Variants in DLG1 observed in about 807,000 individuals in gnomAD.
The protein encoded by DLG1 is disks large homolog 1.
DLG1 carries 42 observed loss-of-function variants against 123.4 expected under a neutral mutation model. The ratio of observed to expected loss-of-function variants is 0.34; its 90% CI spans 0.27 to 0.44. The LOEUF (loss-of-function observed/expected upper bound fraction) is 0.44. Among genes scored for constraint, DLG1 ranks in the 20% least tolerant of loss-of-function variants. The probability of loss-of-function intolerance (pLI) is 1.00; values close to 1 mark genes in which losing one functional copy is unlikely to be tolerated. For missense variants in DLG1, 942 were observed against 1,082.6 expected (o/e 0.87, Z 1.82); for synonymous variants, 317 against 356.2 (o/e 0.89, Z 1.24).
rs1244610986 is a variant in DLG1, at chr3:197,230,867, A to C, written c.319-36278T>G. 2.0e-5 allele frequency among the ~76,000 whole-genome samples: 3 copies of C among 151,878 alleles called. No individual in the cohort carries two copies. In the East Asian group the frequency reaches 5.8e-4, roughly 29 times the overall value. ...ATTTAATTTTCACACTTGCCAAAAA[A>C]CAAGAATAAAATGATAGTAGTATCT... On this transcript the variant is annotated intron_variant, in intron 4 of 24. Coordinates refer to ENST00000667157, the MANE Select transcript of DLG1 (RefSeq NM_001366207.1).
chr3:197,263,648 G>A (rs1320797693), intron 4 of DLG1, among the ~76,000 whole-genome samples: 9 of 152,138 alleles, frequency 5.9e-5, no homozygotes, highest in African/African-American at 1.9e-4. Context: ...TTAGCCAGGC[G>A]TGGTGGCGCA....
chr3:197,155,733 C>G (rs1219242152), intron 5 of DLG1, among the ~76,000 whole-genome samples: 1 of 152,022 alleles, frequency 6.6e-6, no homozygotes, highest in Non-Finnish European at 1.5e-5. Context: ...GAGTTCAAGA[C>G]CAGCCTGTGG....
At chr3:197,129,449 T>C (rs1222972077) in intron 11 of DLG1, among the ~76,000 whole-genome samples, 2 of 152,220 alleles carry the variant, frequency 1.3e-5, no homozygotes, top group Non-Finnish European at 2.9e-5. Context: ...TTTGAAGGAA[T>C]CTTATGGTTG....
At chr3:197,071,974 T>G (rs1011846619) in intron 18 of DLG1, among the ~76,000 whole-genome samples, 1 of 152,212 alleles carries the variant, frequency 6.6e-6, no homozygotes, top group Non-Finnish European at 1.5e-5. Context: ...CCACAAGACA[T>G]GTATAAGAAT....
intron 1 of DLG1, chr3:197,297,997 G>C: frequency 4.4e-6 from 4 of 901,866 alleles, no homozygotes; most frequent in Non-Finnish European, 5.3e-6. Context: ...TCTCGGCCGC[G>C]CCGCCTCCTC....
chr3:197,154,284 A>T (rs955636080), intron 5 of DLG1, among the ~76,000 whole-genome samples: 1 of 152,182 alleles, frequency 6.6e-6, no homozygotes, highest in Non-Finnish European at 1.5e-5. Context: ...CCTGGGCAAC[A>T]GAGCAAGACT....
chr3:197,259,616 C>T (rs1288945758), intron 4 of DLG1, among the ~76,000 whole-genome samples: 2 of 152,128 alleles, frequency 1.3e-5, no homozygotes, highest in Non-Finnish European at 2.9e-5. Flanking sequence ...TGTAAGCACG[C>T]TGAATCTATA....
In DLG1 at chr3:197,115,893, T is replaced by C. The variant is rs767330777; in HGVS notation, c.1443+34A>G. ...GCTTTAAAAATAGGTCCAGTGAAAA[T>C]AACAAAAACGTGATCTTGACTAACG... On this transcript the variant is annotated intron_variant, in intron 13 of 24. Coordinates refer to ENST00000667157, the MANE Select transcript of DLG1 (RefSeq NM_001366207.1). 6 of 1,598,714 alleles carry C rather than the reference T, an allele frequency of 3.8e-6. No homozygotes were observed. In the Admixed American group the frequency reaches 5.3e-5, roughly 14 times the overall value.
At position 197,115,913 on chromosome 3, in the gene DLG1, C is replaced by T; in HGVS notation, c.1443+14G>A. On this transcript the variant is annotated intron_variant, in intron 13 of 24. Transcript: ENST00000667157. ...GAAAATAACAAAAACGTGATCTTGA[C>T]TAACGTGTCTTACCGATATAATACG... 1 of 1,606,018 alleles carries T rather than the reference C, an allele frequency of 6.2e-7. No individual in the cohort carries two copies. The highest frequency in any genetic ancestry group is 8.5e-7 in the Non-Finnish European group (1 of 1,177,752).
chr3:197,046,459 A>G (rs1212275753), intron 24 of DLG1, among the ~76,000 whole-genome samples: 1 of 152,238 alleles, frequency 6.6e-6, no homozygotes, highest in African/African-American at 2.4e-5. Context: ...ACCTCCTTGC[A>G]TGATACACAG....
upstream of DLG1, chr3:197,298,873 T>C (rs1192057896): frequency 2.2e-5 from 7 of 324,440 alleles, no homozygotes; most frequent in East Asian, 2.9e-4. Context: ...TAGTACAAGA[T>C]TTTTAAGCCT....
chr3:197,154,664 G>A (rs1795538689), intron 5 of DLG1, among the ~76,000 whole-genome samples: 1 of 151,780 alleles, frequency 6.6e-6, no homozygotes, highest in Non-Finnish European at 1.5e-5. Flanking sequence ...GACAGAGCCA[G>A]ACTCTGTCTC....
At chr3:197,049,005 T>C (rs1387843467) in intron 24 of DLG1, among the ~76,000 whole-genome samples, 2 of 152,132 alleles carry the variant, frequency 1.3e-5, no homozygotes, top group East Asian at 3.8e-4. Flanking sequence ...GCAATCCCAC[T>C]ACTCGATATA....
At chr3:197,088,887 C>T (rs1231349216) in intron 15 of DLG1, among the ~76,000 whole-genome samples, 1 of 152,204 alleles carries the variant, frequency 6.6e-6, no homozygotes, top group Admixed American at 6.5e-5. Context: ...TCGACTGAGT[C>T]ATGACAGCTA....
At chr3:197,157,857 T>C (rs1190728195) in intron 5 of DLG1, among the ~76,000 whole-genome samples, 1 of 152,102 alleles carries the variant, frequency 6.6e-6, no homozygotes, top group African/African-American at 2.4e-5. Context: ...CAGAAGGGAA[T>C]AAAACAGAAT....
chr3:197,089,741 AAG>A (rs1219466097), intron 15 of DLG1, among the ~76,000 whole-genome samples: 1 of 152,104 alleles, frequency 6.6e-6, no homozygotes, highest in Non-Finnish European at 1.5e-5. Context: ...AAGTGTAAAA[AAG>A]AGAGTAGAAA....
chr3:197,277,362 A>G (rs1220278167), intron 4 of DLG1, among the ~76,000 whole-genome samples: 2 of 140,954 alleles, frequency 1.4e-5, no homozygotes, highest in East Asian at 2.3e-4. Context: ...AGGGAGTCTC[A>G]CCCTGTCACC....
intron 4 of DLG1, among the ~76,000 whole-genome samples, chr3:197,275,267 G>C (rs1251737219): frequency 1.3e-5 from 2 of 151,978 alleles, no homozygotes; most frequent in African/African-American, 4.8e-5. Context: ...AACAGATTCT[G>C]GCTACGGATG....
intron 14 of DLG1, 96 bp downstream of exon 14, chr3:197,104,807 A>T (rs952472212): frequency 1.2e-6 from 1 of 841,108 alleles, no homozygotes; most frequent in African/African-American, 1.8e-5. Flanking sequence ...CAAAAAAGGA[A>T]GTTTAGCTTG....
Sources: gnomAD v4.1 joint callset for allele counts (sites outside exome capture counted in the v4.1 genomes callset) on GRCh38, gnomAD v4.1.1 for gene constraint, MANE v1.5 for transcripts, NCBI Gene and HGNC (gene_info 2026-07-23, HGNC 2026-07-21) for gene names.